Variants in DOK6 observed in about 807,000 individuals in gnomAD.
The protein encoded by DOK6 is docking protein 6.
Under a neutral mutation model 44.0 loss-of-function variants are expected in DOK6, and 22 were observed. The ratio of observed to expected loss-of-function variants is 0.50; its 90% CI spans 0.36 to 0.71. The LOEUF (loss-of-function observed/expected upper bound fraction) is 0.71, where lower values mean the gene tolerates loss of function less well. Ranked by LOEUF, DOK6 falls within the 30% of genes least tolerant of loss-of-function variation. The probability of loss-of-function intolerance (pLI) is 0.00; values close to 1 mark genes in which losing one functional copy is unlikely to be tolerated. For missense variants in DOK6, 340 were observed against 416.4 expected, an observed-to-expected ratio of 0.82 and a Z score of 1.60; for synonymous variants, 166 against 145.5, an observed-to-expected ratio of 1.14 and a Z score of -1.01.
At chr18:69,599,068 CCT>C (rs1983812058) in intron 2 of DOK6, among the ~76,000 whole-genome samples, 1 of 152,188 alleles carries the variant, frequency 6.6e-6, no homozygotes, top group East Asian at 1.9e-4. Flanking sequence ...TAATGAAAAT[CCT>C]CTGTTATACC....
rs546397421 is a variant in DOK6, at chr18:69,687,005, A to T, written c.409+9152A>T. Reference sequence around the variant, plus strand: ...GACACTTAAATAAGAAATAATACTAATGCTATGCAAAACTATTCAGAAAAA... The same window carrying T: ...GACACTTAAATAAGAAATAATACTATTGCTATGCAAAACTATTCAGAAAAA... On this transcript the variant is annotated intron_variant, in intron 4 of 7. Coordinates refer to ENST00000382713, the MANE Select transcript of DOK6 (RefSeq NM_152721.6). Among the ~76,000 whole-genome samples, 5 of 152,326 alleles carry T rather than the reference A, an allele frequency of 3.3e-5. No individual in the cohort carries two copies. In the South Asian group the frequency reaches 1.0e-3, roughly 32 times the overall value.
chr18:69,611,030 A>T (rs1984126139), intron 3 of DOK6, among the ~76,000 whole-genome samples: 1 of 152,114 alleles, frequency 6.6e-6, no homozygotes, highest in African/African-American at 2.4e-5. Context: ...GAAAAGGAAA[A>T]GGGACAAAAA....
intron 3 of DOK6, among the ~76,000 whole-genome samples, chr18:69,668,884 T>A (rs1022420786): frequency 3.9e-5 from 6 of 152,196 alleles, no homozygotes; most frequent in Non-Finnish European, 8.8e-5. Flanking sequence ...TAATTAAAAG[T>A]ACTTTGTCAA....
At chr18:69,493,377 A>T (rs1249002171) in intron 1 of DOK6, among the ~76,000 whole-genome samples, 1 of 152,168 alleles carries the variant, frequency 6.6e-6, no homozygotes, top group Non-Finnish European at 1.5e-5. Context: ...GCATTACAAC[A>T]GTCATTCTCA....
intron 7 of DOK6, among the ~76,000 whole-genome samples, chr18:69,759,555 T>C (rs1234302031): frequency 6.6e-6 from 1 of 152,162 alleles, no homozygotes; most frequent in Admixed American, 6.5e-5. Flanking sequence ...ATAAAAACTC[T>C]TGTTTTCATG....
chr18:69,430,045 C>T (rs12965483), intron 1 of DOK6, among the ~76,000 whole-genome samples: 27,090 of 151,978 alleles, frequency 0.18, 3,000 homozygotes, highest in Non-Finnish European at 0.25. Flanking sequence ...TCTAAGTGGG[C>T]ATTTTACATC....
intron 3 of DOK6, among the ~76,000 whole-genome samples, chr18:69,623,470 G>A (rs552539455): frequency 6.6e-6 from 1 of 152,260 alleles, no homozygotes; most frequent in Admixed American, 6.5e-5. Flanking sequence ...TTCAACTTCA[G>A]TCTAAATAAT....
At chr18:69,762,326 G>A (rs1979587135) in intron 7 of DOK6, among the ~76,000 whole-genome samples, 1 of 152,186 alleles carries the variant, frequency 6.6e-6, no homozygotes, top group African/African-American at 2.4e-5. Context: ...GGGCTAAACA[G>A]TAAGACCCTG....
chr18:69,514,851 TG>T (rs62856560), intron 1 of DOK6, among the ~76,000 whole-genome samples: 58,862 of 148,804 alleles, frequency 0.4, 12,626 homozygotes, highest in Non-Finnish European at 0.49. Flanking sequence ...TTTTTTTTTT[TG>T]AAGAAACAGA....
intron 6 of DOK6, among the ~76,000 whole-genome samples, chr18:69,747,283 A>G (rs965762119): frequency 2.6e-5 from 4 of 152,242 alleles, no homozygotes; most frequent in Non-Finnish European, 5.9e-5. Flanking sequence ...AGAGAGATAA[A>G]GAGCAAAAGG....
intron 1 of DOK6, among the ~76,000 whole-genome samples, chr18:69,480,041 C>T (rs146274469): frequency 1.7e-3 from 264 of 152,214 alleles, no homozygotes; most frequent in African/African-American, 6.1e-3. Flanking sequence ...TGAGGTGTTA[C>T]AGTCTATTTG....
chr18:69,536,991 T>TATG (rs1190102848), intron 1 of DOK6, among the ~76,000 whole-genome samples: 2 of 148,212 alleles, frequency 1.3e-5, no homozygotes, highest in East Asian at 3.9e-4. Flanking sequence ...TTATTATTAT[T>TATG]ATTATTATTA....
intron 1 of DOK6, among the ~76,000 whole-genome samples, chr18:69,536,974 T>TTTATTATTATTATTATTATTA (rs780018877): frequency 2.0e-5 from 2 of 100,594 alleles, no homozygotes; most frequent in Non-Finnish European, 4.4e-5. Context: ...CGACAGAAGA[T>TTTATTATTATTATTATTATTA]TTATCATTAT....
At chr18:69,681,553 G>GAC (rs71176999) in intron 4 of DOK6, among the ~76,000 whole-genome samples, 3,199 of 151,078 alleles carry the variant, frequency 0.021, 121 homozygotes, top group African/African-American at 0.073. Context: ...TGCATAAACA[G>GAC]ACACACACAC....
chr18:69,772,908 G>A (rs781214593), intron 7 of DOK6, among the ~76,000 whole-genome samples: 4 of 152,000 alleles, frequency 2.6e-5, no homozygotes, highest in Non-Finnish European at 4.4e-5. Flanking sequence ...CAGTCAACCT[G>A]TGGAATGGAA....
At chr18:69,504,795 TC>T (rs1394214779) in intron 1 of DOK6, among the ~76,000 whole-genome samples, 2 of 152,210 alleles carry the variant, frequency 1.3e-5, no homozygotes, top group African/African-American at 4.8e-5. Flanking sequence ...AATCTTGTGA[TC>T]TAGGGCTTTT....
At chr18:69,811,786 T>C (rs992828400) in intron 7 of DOK6, among the ~76,000 whole-genome samples, 1 of 151,804 alleles carries the variant, frequency 6.6e-6, no homozygotes, top group Non-Finnish European at 1.5e-5. Flanking sequence ...TCCAGTTTTG[T>C]GAGAAAAATG....
intron 1 of DOK6, among the ~76,000 whole-genome samples, chr18:69,498,558 A>G (rs1980960198): frequency 6.6e-6 from 1 of 152,234 alleles, no homozygotes; most frequent in Non-Finnish European, 1.5e-5. Context: ...ATATGATGAC[A>G]GTGGCTTATT....
intron 3 of DOK6, among the ~76,000 whole-genome samples, chr18:69,674,750 T>C (rs573088661): frequency 6.6e-6 from 1 of 152,232 alleles, no homozygotes; most frequent in South Asian, 2.1e-4. Context: ...GCATAGCTCC[T>C]CAGTTTCTGC....
Sources: gnomAD v4.1 joint callset for allele counts (sites outside exome capture counted in the v4.1 genomes callset) on GRCh38, gnomAD v4.1.1 for gene constraint, MANE v1.5 for transcripts, NCBI Gene and HGNC (gene_info 2026-07-23, HGNC 2026-07-21) for gene names.